The following C17orf58 variants were observed in gnomAD, a reference collection of about 807,000 sequenced individuals.
The protein encoded by C17orf58 is UPF0450 protein C17orf58.
C17orf58 carries 5 observed loss-of-function variants against 7.4 expected under a neutral mutation model. The ratio of observed to expected loss-of-function variants is 0.67; its 90% CI spans 0.35 to 1.42. The LOEUF (loss-of-function observed/expected upper bound fraction) is 1.42, where lower values mean the gene tolerates loss of function less well. C17orf58 is among the 40% of genes most tolerant of loss of function. The probability of loss-of-function intolerance (pLI) is 0.04; values close to 1 mark genes in which losing one functional copy is unlikely to be tolerated. For synonymous variants in C17orf58, 60 were observed against 70.6 expected, an observed-to-expected ratio of 0.85 and a Z score of 0.75; for missense variants, 162 against 174.2, an observed-to-expected ratio of 0.93 and a Z score of 0.40.
At chr17:67,994,202 G>C (rs2070869803) in intron 1 of C17orf58, among the ~76,000 whole-genome samples, 1 of 151,616 alleles carries the variant, frequency 6.6e-6, no homozygotes, top group Non-Finnish European at 1.5e-5. Context: ...AGGAGATAGA[G>C]GACAAGGGAG....
Position 67,993,197 on chromosome 17 carries a change from C to T in C17orf58, c.676G>A (p.Ala226Thr), listed in dbSNP as rs116663321. 5.0e-6 allele frequency: 8 copies of T among 1,609,368 alleles called. No individual in the cohort carries two copies. The Admixed American group carries it at 1.2e-4, about 24-fold the overall frequency. Reference protein sequence around the residue: ...GIVHDVDVLGAGIRLVTLLVD... With the variant: ...GIVHDVDVLGTGIRLVTLLVD... ...AGCAGGGTCACCAGCCGGATGCCCG[C>T]GCCCAGCACGTCCACATCGTGCACG... is the stretch of plus-strand genomic sequence containing the variant. The change falls in exon 3 of 4, where the codon GCG becomes ACG. Residue 226 changes from alanine to threonine, a missense_variant. By Grantham distance (58) the Ala-to-Thr change is moderately conservative. Coordinates refer to ENST00000580729, the MANE Select transcript of C17orf58 (RefSeq NM_001382359.1). This position sits in a 1 kb window ranked among gnomAD's most constrained non-coding sequence, Gnocchi z 5.1.
At position 67,991,871 on chromosome 17, in the gene C17orf58, C is replaced by T. The variant is rs577079278; in HGVS notation, c.*42G>A. ...TAGACCTTTCATGTCTTGTTGCCGA[C>T]GTCCAAGTCTCTTGCGGTCCAGAAA... On this transcript the variant is annotated 3_prime_UTR_variant, in exon 4 of 4. Transcript: ENST00000580729. The T allele has an allele frequency of 3.3e-6, 5 of 1,521,644 alleles. No individual in the cohort carries two copies. Among genetic ancestry groups the T allele is most frequent in the South Asian group, 2.6e-5 (2 of 77,316 alleles). 94.3% of individuals were successfully genotyped at this position (1,521,644 alleles called of 1,614,324 possible).
rs782415485 is a variant in C17orf58, at chr17:67,991,917, A to G, written c.1016T>C (p.Ile339Thr). The G allele has an allele frequency of 7.5e-6, 12 of 1,598,364 alleles. No homozygotes were observed. The South Asian group carries it at 1.4e-4, about 18-fold the overall frequency. Residue 339 changes from isoleucine (I) to threonine (T), a missense_variant, in exon 4 of 4, where the codon ATT becomes ACT. Ile to Thr is a moderately conservative substitution (Grantham distance 89, BLOSUM62 -1). Transcript: ENST00000580729. ...AGAAATGCCAGGATGGTTGTTTCAA[A>G]TGCATTGGGTATGAATTGCACCTTG... ...QIQGAIHTQCI is the reference protein window; with the variant it reads ...QIQGAIHTQCT
At chr17:67,992,480 A>G (rs1438307427) in intron 3 of C17orf58, among the ~76,000 whole-genome samples, 1 of 149,472 alleles carries the variant, frequency 6.7e-6, no homozygotes, top group Non-Finnish European at 1.5e-5. Context: ...AGGCAGGATA[A>G]TCGCTTGAAC....
In C17orf58 at chr17:67,992,046, G is replaced by C; in HGVS notation, c.887C>G (p.Ala296Gly). The C allele has an allele frequency of 6.2e-7, 1 of 1,611,226 alleles. No individual in the cohort carries two copies. The highest frequency in any genetic ancestry group is 2.2e-5 in the East Asian group (1 of 44,850). Residue 296 changes from alanine to glycine, a missense_variant, in exon 4 of 4, where the codon GCT (alanine) becomes GGT (glycine). By Grantham distance (60) the Ala-to-Gly change is moderately conservative. Coordinates refer to ENST00000580729, the MANE Select transcript of C17orf58 (RefSeq NM_001382359.1). ...IYHKRRQLPTALLQVLRGRLR... is the reference protein window; with the variant it reads ...IYHKRRQLPTGLLQVLRGRLR... ...GCGGCCTCTCAGGACCTGGAGCAGAGCTGTAGGGAGCTGCCGTCTCTTATG... is the reference window on the plus strand; with the variant it reads ...GCGGCCTCTCAGGACCTGGAGCAGACCTGTAGGGAGCTGCCGTCTCTTATG...
At chr17:67,992,887 G>T in intron 3 of C17orf58, 157 bp downstream of exon 3, 2 of 1,611,814 alleles carry the variant, frequency 1.2e-6, no homozygotes, top group Non-Finnish European at 1.7e-6. Flanking sequence ...ATCACAGAGT[G>T]GCCGGAATAA....
Position 67,993,770 on chromosome 17 carries a change from G to A in C17orf58, c.291C>T (p.Pro97=). 5.9e-6 allele frequency: 1 copy of A among 170,746 alleles called. No homozygotes were observed. Among genetic ancestry groups the A allele is most frequent in the Admixed American group, 6.5e-5 (1 of 15,440 alleles). 10.6% of individuals were successfully genotyped at this position (170,746 alleles called of 1,614,324 possible). Residue 97 remains proline (P), a synonymous_variant, in exon 2 of 4, where the codon CCC becomes CCT. Coordinates refer to ENST00000580729, the MANE Select transcript of C17orf58 (RefSeq NM_001382359.1). The surrounding 1 kb of genome is among the most constrained non-coding windows in gnomAD (Gnocchi z 5.1). ...QASFREAARA[P]AGPPGPRLAQ... ...CCAGGCGCGGGCCCGGCGGGCCAGC[G>A]GGCGCGCGTGCGGCCTCCCGGAAGC...
chr17:67,993,516 G>A lies in C17orf58; in HGVS notation c.545C>T (p.Pro182Leu), dbSNP rs1479329722. 1.0e-5 allele frequency: 4 copies of A among 383,846 alleles called. No individual in the cohort carries two copies. The East Asian group carries it at 1.5e-4, about 14-fold the overall frequency. The allele number at this position is 383,846 out of a possible 1,614,324, so 23.8% of individuals were successfully genotyped here. A position where few individuals can be genotyped will look rare whatever the true frequency, so the allele number is the denominator to read the frequency against. Residue 182 changes from proline (P) to leucine (L), a missense_variant, in exon 2 of 4, where the codon CCG (proline) becomes CTG (leucine). By Grantham distance (98) the Pro-to-Leu change is moderately conservative. Transcript: ENST00000580729. This position sits in a 1 kb window ranked among gnomAD's most constrained non-coding sequence, Gnocchi z 5.1. Reference protein sequence around the residue: ...RFSLSFGLSPPQRDAEPGAEP... With the variant: ...RFSLSFGLSPLQRDAEPGAEP... Reference sequence around the variant, plus strand: ...AGCGCCGGGCTCCGCGTCCCTCTGCGGCGGGCTGAGGCCGAAGCTGAGGCT... The same window carrying A: ...AGCGCCGGGCTCCGCGTCCCTCTGCAGCGGGCTGAGGCCGAAGCTGAGGCT...
rs577138105 is a variant in C17orf58 at position 67,991,156 on chromosome 17, A to G, written c.*757T>C. 1 of 152,350 alleles carries G rather than the reference A, an allele frequency of 6.6e-6. No homozygotes were observed. The highest frequency in any genetic ancestry group is 2.4e-5 in the African/African-American group (1 of 41,584). 9.4% of individuals were successfully genotyped at this position (152,350 alleles called of 1,614,324 possible). A position where few individuals can be genotyped will look rare whatever the true frequency, so the allele number is the denominator to read the frequency against. ...AACAAACATTATACTTGGTCTTAATAGAAAAATGACACCAGATACATCCAA... is the reference window on the plus strand; with the variant it reads ...AACAAACATTATACTTGGTCTTAATGGAAAAATGACACCAGATACATCCAA... On this transcript the variant is annotated 3_prime_UTR_variant, in exon 4 of 4. Coordinates refer to ENST00000580729, the MANE Select transcript of C17orf58 (RefSeq NM_001382359.1).
rs550650284 is a variant in C17orf58 at position 67,992,738 on chromosome 17, T to C, written c.829+306A>G. On this transcript the variant is annotated intron_variant, in intron 3 of 3. Transcript: ENST00000580729. ...TACACACCCAAAAAAGCAGCTTTTC[T>C]AAACTCGGTTCTGTACAGTCCCTTC... Among the ~76,000 whole-genome samples, 91 of 152,244 alleles carry C rather than the reference T, an allele frequency of 6.0e-4. No individual in the cohort carries two copies. The South Asian group carries it at 0.018, about 30-fold the overall frequency.
At chr17:67,994,404 G>C (rs1555699570) in intron 1 of C17orf58, among the ~76,000 whole-genome samples, 2 of 151,146 alleles carry the variant, frequency 1.3e-5, no homozygotes, top group Non-Finnish European at 3.0e-5. Context: ...TTTACTCTAA[G>C]ACTAAACATG....
chr17:67,994,055 AAAGCCGAGG>A (rs1160649036), intron 1 of C17orf58, 71 bp from the exon 2 acceptor site: 9 of 373,696 alleles, frequency 2.4e-5, no homozygotes, highest in African/African-American at 2.0e-4. Context: ...GCCGTCGGGG[AAAGCCGAGG>A]AAGCCGAGAA....
At chr17:67,992,881 CAG>C in intron 3 of C17orf58, 161 bp downstream of exon 3, 1 of 1,609,978 alleles carries the variant, frequency 6.2e-7, no homozygotes. Context: ...GCTTAAATCA[CAG>C]AGTGGCCGGA....
intron 3 of C17orf58, chr17:67,992,803 C>T (rs1306497744): frequency 7.4e-5 from 103 of 1,397,366 alleles, no homozygotes; most frequent in Non-Finnish European, 9.9e-5. Flanking sequence ...TTGTCAACAT[C>T]TATTTATTGA....
At chr17:67,996,034 C>T in intron 1 of C17orf58, 89 bp downstream of exon 1, 1 of 398,800 alleles carries the variant, frequency 2.5e-6, no homozygotes, top group Non-Finnish European at 4.4e-6. Flanking sequence ...GACCCCCCTC[C>T]TCGTCCCACG....
chr17:67,994,613 G>T (rs1170404391), intron 1 of C17orf58, among the ~76,000 whole-genome samples: 2 of 150,454 alleles, frequency 1.3e-5, no homozygotes, highest in Non-Finnish European at 3.0e-5. Context: ...CAGGGGGAAA[G>T]GTCTCATATT....
rs1555699626 is a variant in C17orf58, at chr17:67,994,536, A to ATATATATAT, written c.77-553_77-552insATATATATA. Among the ~76,000 whole-genome samples, 301 of 79,528 alleles carry ATATATATAT rather than the reference A, an allele frequency of 3.8e-3. 2 individuals carry two copies. The highest frequency in any genetic ancestry group is 0.019 in the Middle Eastern group (3 of 158). 52.2% of individuals were successfully genotyped at this position (79,528 alleles called of 152,430 possible). Reference sequence around the variant, plus strand: ...TGTGTGTATATATATATATATATATAAAACATATATAAACATCCGCCTCTT... The same window carrying ATATATATAT: ...TGTGTGTATATATATATATATATATATATATATATAAACATATATAAACATCCGCCTCTT... On this transcript the variant is annotated intron_variant, in intron 1 of 3. Coordinates refer to ENST00000580729, the MANE Select transcript of C17orf58 (RefSeq NM_001382359.1).
rs782737968 is a variant in C17orf58, at chr17:67,993,009, T to A, written c.829+35A>T. On this transcript the variant is annotated intron_variant, in intron 3 of 3. Transcript: ENST00000580729. The surrounding 1 kb of genome is among the most constrained non-coding windows in gnomAD (Gnocchi z 5.1). ...CCACGTTACAAACGGTGGTATAAAG[T>A]ACATATGCAGCGTCATTCAGGTCAG... 49 of 1,613,970 alleles carry A rather than the reference T, an allele frequency of 3.0e-5. No homozygotes were observed. The Middle Eastern group carries it at 8.2e-4, about 27-fold the overall frequency.
rs71142122 is a variant in C17orf58, at chr17:67,994,535, T to TATATATATATATATATA, written c.77-552_77-551insTATATATATATATATAT. Reference sequence around the variant, plus strand: ...GTGTGTGTATATATATATATATATATAAAACATATATAAACATCCGCCTCT... The same window carrying TATATATATATATATATA: ...GTGTGTGTATATATATATATATATATATATATATATATATATAAAAACATATATAAACATCCGCCTCT... On this transcript the variant is annotated intron_variant, in intron 1 of 3. Coordinates refer to ENST00000580729, the MANE Select transcript of C17orf58 (RefSeq NM_001382359.1). Among the ~76,000 whole-genome samples the TATATATATATATATATA allele has an allele frequency of 8.0e-5, 8 of 100,308 alleles. No individual in the cohort carries two copies. In the South Asian group the frequency reaches 1.5e-3, roughly 19 times the overall value. The allele number at this position is 100,308 out of a possible 152,430, so 65.8% of individuals were successfully genotyped here. A position where few individuals can be genotyped will look rare whatever the true frequency, so the allele number is the denominator to read the frequency against.
Sources: allele counts gnomAD v4.1 joint callset (sites outside exome capture counted in the v4.1 genomes callset), GRCh38; gene constraint gnomAD v4.1.1; non-coding constraint Gnocchi (gnomAD v3.1); transcripts MANE v1.5; gene names NCBI Gene and HGNC (gene_info 2026-07-23, HGNC 2026-07-21).